Variants in CYP39A1 observed in about 807,000 individuals in gnomAD.
The protein encoded by CYP39A1 is cytochrome P450 family 39 subfamily A member 1.
A neutral mutation model predicts 58.1 loss-of-function variants in CYP39A1; 49 were observed. The ratio of observed to expected loss-of-function variants is 0.84; its 90% CI spans 0.67 to 1.07. The LOEUF (loss-of-function observed/expected upper bound fraction) is 1.07, where lower values mean the gene tolerates loss of function less well. Ranked by LOEUF, CYP39A1 falls within the 50% of genes least tolerant of loss-of-function variation. The probability of loss-of-function intolerance (pLI) is 0.00; values close to 1 mark genes in which losing one functional copy is unlikely to be tolerated. For missense variants in CYP39A1, 531 were observed against 539.4 expected (o/e 0.98, Z 0.16); for synonymous variants, 209 against 187.6 (o/e 1.11, Z -0.93).
At chr6:46,649,631 C>T (rs541632782) in intron 1 of CYP39A1, among the ~76,000 whole-genome samples, 7 of 151,826 alleles carry the variant, frequency 4.6e-5, no homozygotes, top group East Asian at 1.9e-4. Flanking sequence ...GCTTATAAGG[C>T]GGAAAATAAA....
intron 1 of CYP39A1, among the ~76,000 whole-genome samples, chr6:46,644,071 A>C (rs2150602566): frequency 6.6e-6 from 1 of 152,286 alleles, no homozygotes; most frequent in East Asian, 1.9e-4. Flanking sequence ...AAGATACAGA[A>C]TGTTTCCATC....
At chr6:46,619,505 A>C (rs1051586010) in intron 7 of CYP39A1, among the ~76,000 whole-genome samples, 12 of 152,034 alleles carry the variant, frequency 7.9e-5, no homozygotes, top group Non-Finnish European at 1.8e-4. Context: ...AATATAGAGT[A>C]AGACAAGTCA....
intron 1 of CYP39A1, among the ~76,000 whole-genome samples, chr6:46,650,016 A>G (rs1399124780): frequency 6.6e-6 from 1 of 151,988 alleles, no homozygotes; most frequent in African/African-American, 2.4e-5. Context: ...GCAATTTCGC[A>G]TCAAGTCTAC....
intron 10 of CYP39A1, among the ~76,000 whole-genome samples, chr6:46,555,175 C>T (rs753962674): frequency 3.3e-5 from 5 of 152,212 alleles, no homozygotes; most frequent in Non-Finnish European, 7.3e-5. Context: ...CCCTTGACAC[C>T]ATGTGGCTCT....
chr6:46,628,579 G>C (rs1343869628), intron 6 of CYP39A1, among the ~76,000 whole-genome samples: 1 of 152,160 alleles, frequency 6.6e-6, no homozygotes, highest in Non-Finnish European at 1.5e-5. Context: ...GCCTCCTAGT[G>C]ACCCAGTGCC....
intron 2 of CYP39A1, among the ~76,000 whole-genome samples, chr6:46,640,026 C>T (rs958301569): frequency 2.6e-5 from 4 of 152,098 alleles, no homozygotes; most frequent in Admixed American, 6.6e-5. Flanking sequence ...GCAGAAGAAT[C>T]GCTTGAACCC....
chr6:46,645,164 T>TTATGATACTG lies in CYP39A1; in HGVS notation c.178-2867_178-2866insCAGTATCATA, dbSNP rs1762240642. On this transcript the variant is annotated intron_variant, in intron 1 of 11. Transcript: ENST00000275016. The stretch of plus-strand genomic sequence containing the variant: ...TTGATGAGGTTCAATTTATCAGTTT[T>TTATGATACTG]TCCTTTTATGAACTGTCCTTTTGGT... Among the ~76,000 whole-genome samples the TTATGATACTG allele has an allele frequency of 2.6e-5, 4 of 152,316 alleles. No individual in the cohort carries two copies. The East Asian group carries it at 7.7e-4, about 29-fold the overall frequency.
At chr6:46,615,892 T>C (rs1476917019) in intron 7 of CYP39A1, among the ~76,000 whole-genome samples, 1 of 151,988 alleles carries the variant, frequency 6.6e-6, no homozygotes, top group Non-Finnish European at 1.5e-5. Context: ...CATCTTAAAG[T>C]CCTTGCTCAA....
chr6:46,585,896 A>G (rs998956291), intron 10 of CYP39A1, among the ~76,000 whole-genome samples: 53 of 152,090 alleles, frequency 3.5e-4, no homozygotes, highest in Non-Finnish European at 7.1e-4. Context: ...CTGAGGCTGC[A>G]TGCTTCCTTG....
rs550312383 is a variant in CYP39A1, at chr6:46,570,546, C to T, written c.1250+16531G>A. Among the ~76,000 whole-genome samples the T allele has an allele frequency of 3.5e-4, 54 of 152,118 alleles. 1 individual carries two copies. In the Middle Eastern group the frequency reaches 0.01, roughly 29 times the overall value. On this transcript the variant is annotated intron_variant, in intron 10 of 11. Coordinates refer to ENST00000275016, the MANE Select transcript of CYP39A1 (RefSeq NM_016593.5). Reference sequence around the variant, plus strand: ...TTGTTGTGTTCGTTCATTTGTGTTGCTATGAAGGAATACTTGAGACTAGGG... The same window carrying T: ...TTGTTGTGTTCGTTCATTTGTGTTGTTATGAAGGAATACTTGAGACTAGGG...
At chr6:46,651,113 A>G (rs376831592) in intron 1 of CYP39A1, among the ~76,000 whole-genome samples, 1 of 152,252 alleles carries the variant, frequency 6.6e-6, no homozygotes, top group Non-Finnish European at 1.5e-5. Context: ...AAAGTAACAC[A>G]TTCATATAAA....
Position 46,639,562 on chromosome 6 carries a change from A to G in CYP39A1, c.420T>C (p.Thr140=). ...VNLHQFTGQL[T]EELHEQLENL... ...TCTCCAGTTGTTCATGTAATTCTTC[A>G]GTCAGTTGCCCAGTAAACTGATGGA... The change falls in exon 3 of 12, where the codon ACT becomes ACC. Residue 140 remains threonine (T), a synonymous_variant. Transcript: ENST00000275016. 6.2e-7 allele frequency: 1 copy of G among 1,614,144 alleles called. No homozygotes were observed. The highest frequency in any genetic ancestry group is 8.5e-7 in the Non-Finnish European group (1 of 1,179,990).
intron 1 of CYP39A1, among the ~76,000 whole-genome samples, chr6:46,649,969 C>A (rs980851043): frequency 6.6e-6 from 1 of 152,054 alleles, no homozygotes; most frequent in Non-Finnish European, 1.5e-5. Context: ...AGGTTCAATA[C>A]GCCATAAGTA....
At chr6:46,639,346 AAT>A in intron 3 of CYP39A1, 146 bp downstream of exon 3, 1 of 615,328 alleles carries the variant, frequency 1.6e-6, no homozygotes, top group Non-Finnish European at 2.4e-6. Flanking sequence ...AAAAAAAAAT[AAT>A]TTAAAAGATT....
chr6:46,556,040 A>T (rs900799308), intron 10 of CYP39A1, among the ~76,000 whole-genome samples: 2 of 152,234 alleles, frequency 1.3e-5, no homozygotes, highest in Non-Finnish European at 2.9e-5. Flanking sequence ...GCTAACTCAC[A>T]TAAAGGTTCA....
rs1043045468 is a variant in CYP39A1 at position 46,594,938 on chromosome 6, A to C, written c.1065+1049T>G. 2.0e-5 allele frequency among the ~76,000 whole-genome samples: 3 copies of C among 152,150 alleles called. No homozygotes were observed. The East Asian group carries it at 5.8e-4, about 29-fold the overall frequency. On this transcript the variant is annotated intron_variant, in intron 8 of 11. Transcript: ENST00000275016. The stretch of plus-strand genomic sequence containing the variant: ...CAAGAGGTTAATATCCAAAATATAC[A>C]AGAAACTTAAACAACTCACTAGTAA...
intron 5 of CYP39A1, among the ~76,000 whole-genome samples, chr6:46,633,265 C>T (rs1775768027): frequency 6.6e-6 from 1 of 152,082 alleles, no homozygotes; most frequent in South Asian, 2.1e-4. Flanking sequence ...TAAGTTGTCA[C>T]AGGACAAAGT....
intron 7 of CYP39A1, among the ~76,000 whole-genome samples, chr6:46,623,304 T>C (rs1775088355): frequency 1.3e-5 from 2 of 152,128 alleles, no homozygotes; most frequent in Admixed American, 1.3e-4. Flanking sequence ...CTCCTATATG[T>C]GGGTGGGTAA....
rs776354949 is a variant in CYP39A1 at position 46,639,348 on chromosome 6, T to A, written c.488+146A>T. The A allele has an allele frequency of 4.1e-3, 2,979 of 731,888 alleles. 35 individuals are homozygous for A. Among genetic ancestry groups the A allele is most frequent in the Non-Finnish European group, 5.5e-3 (2,585 of 466,684 alleles). 45.3% of individuals were successfully genotyped at this position (731,888 alleles called of 1,614,324 possible). A position where few individuals can be genotyped will look rare whatever the true frequency, so the allele number is the denominator to read the frequency against. On this transcript the variant is annotated intron_variant, in intron 3 of 11. Coordinates refer to ENST00000275016, the MANE Select transcript of CYP39A1 (RefSeq NM_016593.5). ...GAGACTCTATCTCAAAAAAAAATAA[T>A]TTAAAAGATTAAAATAATCTCTTAA...
Sources: gnomAD v4.1 joint callset for allele counts (sites outside exome capture counted in the v4.1 genomes callset) on GRCh38, gnomAD v4.1.1 for gene constraint, MANE v1.5 for transcripts, NCBI Gene and HGNC (gene_info 2026-07-23, HGNC 2026-07-21) for gene names.